The following RGS20 variants were observed in gnomAD, a reference collection of about 807,000 sequenced individuals.
The protein encoded by RGS20 is gz-selective GTPase-activating protein.
RGS20 carries 30 observed loss-of-function variants against 33.6 expected under a neutral mutation model. The ratio of observed to expected loss-of-function variants is 0.89; its 90% CI spans 0.67 to 1.21. RGS20 has a LOEUF of 1.21. Among genes scored for constraint, RGS20 ranks in the 50% most tolerant of loss-of-function variants. The probability of loss-of-function intolerance (pLI) is 0.00; values close to 1 mark genes in which losing one functional copy is unlikely to be tolerated. For missense variants in RGS20, 472 were observed against 502.4 expected (o/e 0.94, Z 0.58); for synonymous variants, 208 against 197.9 (o/e 1.05, Z -0.43).
chr8:53,917,093 G>C (rs1813509850), intron 2 of RGS20, among the ~76,000 whole-genome samples: 1 of 151,976 alleles, frequency 6.6e-6, no homozygotes, highest in African/African-American at 2.4e-5. Flanking sequence ...GTTTTTTTCA[G>C]TTCTGGAAAT....
chr8:53,906,312 G>T (rs543629863), intron 2 of RGS20, among the ~76,000 whole-genome samples: 1 of 151,908 alleles, frequency 6.6e-6, no homozygotes, highest in African/African-American at 2.4e-5. Flanking sequence ...GGAGGTGGAG[G>T]TTGCAGTGAG....
chr8:53,949,820 G>A (rs990835983), intron 4 of RGS20, among the ~76,000 whole-genome samples: 5 of 150,986 alleles, frequency 3.3e-5, no homozygotes, highest in African/African-American at 4.9e-5. Context: ...TAACCTCTAA[G>A]AGAGTAAACA....
At chr8:53,858,489 C>CATAT (rs539457717) in intron 1 of RGS20, among the ~76,000 whole-genome samples, 56 of 150,610 alleles carry the variant, frequency 3.7e-4, no homozygotes, top group Non-Finnish European at 6.3e-4. Flanking sequence ...TATATATATA[C>CATAT]ATATATATAT....
chr8:53,902,591 G>T (rs1341456156), intron 2 of RGS20, among the ~76,000 whole-genome samples: 6 of 152,168 alleles, frequency 3.9e-5, no homozygotes, highest in African/African-American at 1.4e-4. Flanking sequence ...TCTTTTGTGT[G>T]GGGATGTGCA....
intron 2 of RGS20, among the ~76,000 whole-genome samples, chr8:53,923,323 G>C (rs1813702384): frequency 6.6e-6 from 1 of 152,108 alleles, no homozygotes; most frequent in African/African-American, 2.4e-5. Flanking sequence ...GGCCTGGCCT[G>C]GTGGCTCACA....
intron 4 of RGS20, among the ~76,000 whole-genome samples, chr8:53,951,069 C>G (rs1462310492): frequency 6.6e-6 from 1 of 152,182 alleles, no homozygotes; most frequent in Non-Finnish European, 1.5e-5. Flanking sequence ...AAAATAATCT[C>G]AAACATCAAA....
chr8:53,866,311 C>T (rs1811916633), intron 1 of RGS20, among the ~76,000 whole-genome samples: 3 of 152,022 alleles, frequency 2.0e-5, no homozygotes, highest in African/African-American at 7.2e-5. Flanking sequence ...TGTGAAGTCA[C>T]TTGAACTTCA....
chr8:53,906,793 C>G (rs61057223), intron 2 of RGS20, among the ~76,000 whole-genome samples: 8,200 of 152,148 alleles, frequency 0.054, 669 homozygotes, highest in African/African-American at 0.18. Flanking sequence ...GCAACAAAGA[C>G]CCAATCGTTT....
At chr8:53,942,007 C>T (rs1012953779) in intron 3 of RGS20, among the ~76,000 whole-genome samples, 5 of 152,212 alleles carry the variant, frequency 3.3e-5, no homozygotes, top group Non-Finnish European at 7.3e-5. Flanking sequence ...GGTGCGGTGG[C>T]TCACGCCTGT....
At position 53,959,139 on chromosome 8, in the gene RGS20, CTGTTAT is replaced by C. The variant is rs1427360180; in HGVS notation, c.*683_*688del. ...AAAATTCTTTTGTTGAAAAGAGTTA[CTGTTAT>C]TATCAGAATTTGCCAACCTAAAGAA... On this transcript the variant is annotated 3_prime_UTR_variant, in exon 6 of 6. Transcript: ENST00000297313. 1 of 152,156 alleles carries C rather than the reference CTGTTAT, an allele frequency of 6.6e-6. No individual in the cohort carries two copies. Among genetic ancestry groups the C allele is most frequent in the African/African-American group, 2.4e-5 (1 of 41,420 alleles). 9.4% of individuals were successfully genotyped at this position (152,156 alleles called of 1,614,324 possible).
At chr8:53,854,774 A>G (rs1811637326) in intron 1 of RGS20, among the ~76,000 whole-genome samples, 1 of 152,214 alleles carries the variant, frequency 6.6e-6, no homozygotes. Flanking sequence ...TTAGGCATTT[A>G]TCCCAGAGAA....
chr8:53,895,847 A>G (rs1330977540), intron 2 of RGS20, among the ~76,000 whole-genome samples: 1 of 151,954 alleles, frequency 6.6e-6, no homozygotes, highest in Non-Finnish European at 1.5e-5. Context: ...GGGTTTCACC[A>G]TGTTGGTCAG....
intron 2 of RGS20, 101 bp from the exon 1 acceptor site, chr8:53,880,771 T>G (rs1585880498): frequency 2.8e-6 from 3 of 1,081,962 alleles, no homozygotes; most frequent in Non-Finnish European, 1.2e-6. Context: ...GCCTCGGGGG[T>G]ACCCCTAGCA....
intron 2 of RGS20, among the ~76,000 whole-genome samples, chr8:53,898,554 A>G (rs1042243443): frequency 1.3e-5 from 2 of 152,232 alleles, no homozygotes; most frequent in African/African-American, 4.8e-5. Context: ...TTTTAGGGTT[A>G]TATTGAAGCA....
intron 2 of RGS20, among the ~76,000 whole-genome samples, chr8:53,886,706 C>A (rs1157449851): frequency 6.6e-6 from 1 of 152,164 alleles, no homozygotes; most frequent in African/African-American, 2.4e-5. Context: ...TCTGGTTTGT[C>A]TACATTTGTG....
chr8:53,885,351 C>T (rs1812509854), intron 2 of RGS20, among the ~76,000 whole-genome samples: 1 of 152,214 alleles, frequency 6.6e-6, no homozygotes, highest in Non-Finnish European at 1.5e-5. Context: ...CGGTGGCTCA[C>T]GCCTGTAATC....
intron 2 of RGS20, among the ~76,000 whole-genome samples, chr8:53,915,216 A>G (rs1191918173): frequency 2.0e-5 from 3 of 151,230 alleles, no homozygotes; most frequent in African/African-American, 7.3e-5. Flanking sequence ...CCCCTCACCC[A>G]GCTTTGGCCT....
intron 2 of RGS20, among the ~76,000 whole-genome samples, chr8:53,900,339 A>G (rs1378536245): frequency 6.6e-6 from 1 of 151,978 alleles, no homozygotes; most frequent in African/African-American, 2.4e-5. Context: ...ACGGGGTCTC[A>G]CTATGTTGCC....
At chr8:53,938,947 C>T (rs1419746593) in intron 2 of RGS20, among the ~76,000 whole-genome samples, 1 of 152,190 alleles carries the variant, frequency 6.6e-6, no homozygotes, top group African/African-American at 2.4e-5. Flanking sequence ...GCTCTCCTGC[C>T]TGGCTTCCTG....
Sources: allele counts gnomAD v4.1 joint callset (sites outside exome capture counted in the v4.1 genomes callset), GRCh38; gene constraint gnomAD v4.1.1; transcripts MANE v1.5; gene names NCBI Gene and HGNC (gene_info 2026-07-23, HGNC 2026-07-21).